Variants in TBC1D4 observed in about 807,000 individuals in gnomAD.
TBC1D4 encodes TBC (Tre-2, BUB2, CDC16) domain-containing protein.
Under a neutral mutation model 142.5 loss-of-function variants are expected in TBC1D4, and 121 were observed. The observed-to-expected ratio is 0.85, with a 90% CI of 0.73 to 0.99. The LOEUF (loss-of-function observed/expected upper bound fraction) is 0.99, where lower values mean the gene tolerates loss of function less well. Ranked by LOEUF, TBC1D4 falls within the 50% of genes least tolerant of loss-of-function variation. The pLI is 0.00. For missense variants in TBC1D4, 1,475 were observed against 1,606.6 expected (o/e 0.92, Z 1.40); for synonymous variants, 630 against 628.2 (o/e 1.00, Z -0.04).
At chr13:75,428,129 A>G (rs764879438) in intron 1 of TBC1D4, among the ~76,000 whole-genome samples, 14 of 152,176 alleles carry the variant, frequency 9.2e-5, no homozygotes, top group Non-Finnish European at 1.8e-4. Flanking sequence ...TTCAGCCTTC[A>G]TTAAGGGGGT....
At chr13:75,408,924 A>G (rs975454964) in intron 1 of TBC1D4, among the ~76,000 whole-genome samples, 2 of 152,038 alleles carry the variant, frequency 1.3e-5, no homozygotes, top group Non-Finnish European at 2.9e-5. Flanking sequence ...GATTATCTTT[A>G]TTATTAAGTT....
intron 8 of TBC1D4, among the ~76,000 whole-genome samples, chr13:75,328,753 T>C (rs1249078432): frequency 1.3e-5 from 2 of 152,188 alleles, no homozygotes; most frequent in African/African-American, 2.4e-5. Context: ...AACATTTGCA[T>C]AGTACTTTCC....
intron 19 of TBC1D4, among the ~76,000 whole-genome samples, chr13:75,290,058 TA>T (rs1875127721): frequency 6.6e-6 from 1 of 152,174 alleles, no homozygotes; most frequent in Admixed American, 6.6e-5. Flanking sequence ...ATACAACCAT[TA>T]AAAATGATAA....
At chr13:75,436,241 G>T (rs1337179003) in intron 1 of TBC1D4, among the ~76,000 whole-genome samples, 1 of 152,094 alleles carries the variant, frequency 6.6e-6, no homozygotes, top group Non-Finnish European at 1.5e-5. Context: ...GTGGAACCGT[G>T]AGTCCATTCA....
intron 1 of TBC1D4, among the ~76,000 whole-genome samples, chr13:75,365,014 G>A (rs943339355): frequency 1.3e-5 from 2 of 152,040 alleles, no homozygotes; most frequent in Non-Finnish European, 2.9e-5. Context: ...TTTCTCTACC[G>A]CCATATCAAG....
At chr13:75,471,169 A>G (rs1025034278) in intron 1 of TBC1D4, among the ~76,000 whole-genome samples, 19 of 152,084 alleles carry the variant, frequency 1.2e-4, no homozygotes, top group African/African-American at 4.6e-4. Context: ...ATATATATAT[A>G]TATCTCCAAC....
chr13:75,349,346 A>G (rs563108138), intron 4 of TBC1D4, 44 bp from the exon 5 acceptor site: 13 of 1,611,648 alleles, frequency 8.1e-6, no homozygotes, highest in East Asian at 2.2e-5. Flanking sequence ...GTTGGCTTAC[A>G]TGGCAACATT....
intron 7 of TBC1D4, 142 bp from the exon 8 acceptor site, chr13:75,337,182 C>T: frequency 1.4e-6 from 1 of 717,312 alleles, no homozygotes. Context: ...TTAGGTCCCA[C>T]ACTGTGAACA....
At chr13:75,459,427 C>T (rs181778251) in intron 1 of TBC1D4, among the ~76,000 whole-genome samples, 2 of 152,262 alleles carry the variant, frequency 1.3e-5, no homozygotes, top group Admixed American at 1.3e-4. Flanking sequence ...TGCTTGGCCA[C>T]CACTACTTAT....
intron 1 of TBC1D4, among the ~76,000 whole-genome samples, chr13:75,406,685 A>T (rs1403266107): frequency 6.6e-6 from 1 of 152,212 alleles, no homozygotes; most frequent in Non-Finnish European, 1.5e-5. Flanking sequence ...GTAAGAGTAG[A>T]ATAAACAAAA....
At chr13:75,298,514 G>C (rs1876179610) in intron 17 of TBC1D4, among the ~76,000 whole-genome samples, 1 of 152,206 alleles carries the variant, frequency 6.6e-6, no homozygotes, top group African/African-American at 2.4e-5. Context: ...ATTCTGGGAG[G>C]CTGAGGCGGG....
intron 17 of TBC1D4, among the ~76,000 whole-genome samples, chr13:75,298,443 G>A (rs530020608): frequency 6.6e-6 from 1 of 152,280 alleles, no homozygotes; most frequent in South Asian, 2.1e-4. Context: ...AAATCTTAAT[G>A]GTGCTTCTTC....
intron 8 of TBC1D4, among the ~76,000 whole-genome samples, chr13:75,329,856 T>C (rs1879602851): frequency 6.6e-6 from 1 of 152,240 alleles, no homozygotes; most frequent in Non-Finnish European, 1.5e-5. Flanking sequence ...GTTTCAGAAG[T>C]CTAAAGCCAT....
At chr13:75,320,199 C>G (rs1878637561) in intron 11 of TBC1D4, among the ~76,000 whole-genome samples, 162 bp from the exon 12 acceptor site, 1 of 151,464 alleles carries the variant, frequency 6.6e-6, no homozygotes, top group African/African-American at 2.4e-5. Context: ...TCACTGAATA[C>G]AAGAGAAATA....
intron 9 of TBC1D4, 88 bp downstream of exon 9, chr13:75,327,664 T>A: frequency 8.4e-7 from 1 of 1,197,388 alleles, no homozygotes; most frequent in East Asian, 2.3e-5. Flanking sequence ...TATAAAGCAT[T>A]CATAATAAAA....
chr13:75,466,004 G>A (rs910046984), intron 1 of TBC1D4, among the ~76,000 whole-genome samples: 4 of 152,082 alleles, frequency 2.6e-5, no homozygotes, highest in Admixed American at 6.5e-5. Context: ...CACCTGTATC[G>A]ACTGATGTCT....
At chr13:75,323,386 C>G (rs2137994107) in intron 11 of TBC1D4, among the ~76,000 whole-genome samples, 1 of 152,210 alleles carries the variant, frequency 6.6e-6, no homozygotes, top group Admixed American at 6.5e-5. Context: ...ACATCTATGA[C>G]ACCAACAAAT....
At chr13:75,460,560 G>A (rs1338150863) in intron 1 of TBC1D4, among the ~76,000 whole-genome samples, 3 of 152,144 alleles carry the variant, frequency 2.0e-5, no homozygotes, top group South Asian at 2.1e-4. Flanking sequence ...CAAAGAGAAG[G>A]ATGAGAACTA....
At chr13:75,312,299 G>T (rs952982730) in intron 13 of TBC1D4, among the ~76,000 whole-genome samples, 7 of 151,700 alleles carry the variant, frequency 4.6e-5, no homozygotes, top group African/African-American at 1.7e-4. Flanking sequence ...ATAATAAAAA[G>T]ATCTTTGGAA....
Sources: gnomAD v4.1 joint callset for allele counts (sites outside exome capture counted in the v4.1 genomes callset) on GRCh38, gnomAD v4.1.1 for gene constraint, MANE v1.5 for transcripts, NCBI Gene and HGNC (gene_info 2026-07-23, HGNC 2026-07-21) for gene names.